MDGA2: variants seen among roughly 807,000 people sequenced by gnomAD.
MDGA2 encodes MAM domain-containing glycosylphosphatidylinositol anchor protein 2.
MDGA2 carries 40 observed loss-of-function variants against 117.8 expected under a neutral mutation model. That is an observed-to-expected ratio of 0.34 (90% CI 0.26 to 0.44). MDGA2 has a LOEUF of 0.44. Ranked by LOEUF, MDGA2 falls within the 20% of genes least tolerant of loss-of-function variation. The pLI is 1.00. For synonymous variants in MDGA2, 452 were observed against 439.0 expected (o/e 1.03, Z -0.37); for missense variants, 1,123 against 1,250.6 (o/e 0.90, Z 1.54).
intron 1 of MDGA2, among the ~76,000 whole-genome samples, chr14:47,350,011 A>T (rs1890844526): frequency 6.6e-6 from 1 of 152,256 alleles, no homozygotes; most frequent in Non-Finnish European, 1.5e-5. Context: ...TTCAGGAAAT[A>T]GGACGGGGAC....
At chr14:46,852,696 A>G (rs1399376846) in intron 15 of MDGA2, among the ~76,000 whole-genome samples, 1 of 151,888 alleles carries the variant, frequency 6.6e-6, no homozygotes, top group East Asian at 1.9e-4. Flanking sequence ...GAAAAACCTC[A>G]TAATACATGG....
intron 2 of MDGA2, among the ~76,000 whole-genome samples, chr14:47,260,990 C>G (rs2139672781): frequency 6.6e-6 from 1 of 151,940 alleles, no homozygotes; most frequent in East Asian, 1.9e-4. Context: ...CATTCTAGCC[C>G]ACTGAGTTAA....
intron 1 of MDGA2, among the ~76,000 whole-genome samples, chr14:47,614,095 C>CTTTT (rs768294746): frequency 9.8e-6 from 1 of 101,706 alleles, no homozygotes; most frequent in African/African-American, 3.8e-5. Flanking sequence ...TTTCTTTTTT[C>CTTTT]TTTTTTTTTT....
Position 47,657,722 on chromosome 14 carries a change from T to A in MDGA2, c.280+16795A>T, listed in dbSNP as rs116713416. Among the ~76,000 whole-genome samples, 1,476 of 152,236 alleles carry A rather than the reference T, an allele frequency of 9.7e-3. 35 individuals carry two copies. The highest frequency in any genetic ancestry group is 0.034 in the African/African-American group (1,403 of 41,550). On this transcript the variant is annotated intron_variant, in intron 1 of 16. Coordinates refer to ENST00000399232, the MANE Select transcript of MDGA2 (RefSeq NM_001113498.3). The stretch of plus-strand genomic sequence containing the variant: ...CCTAACATTGTACTAACCAAAGGGA[T>A]CCACTGAACAGAAAAGAAGGTGCTG...
In MDGA2 at chr14:46,946,704, A is replaced by C. The variant is rs374134203; in HGVS notation, c.2089+10670T>G. 1.2e-3 allele frequency among the ~76,000 whole-genome samples: 176 copies of C among 152,222 alleles called. 1 individual carries two copies. The highest frequency in any genetic ancestry group is 4.1e-3 in the African/African-American group (169 of 41,536). On this transcript the variant is annotated intron_variant, in intron 9 of 16. Coordinates refer to ENST00000399232, the MANE Select transcript of MDGA2 (RefSeq NM_001113498.3). ...ATGACATATATTAAGACTTGTAGAA[A>C]AAGAAAGAGCTAGTCATACCAAGAC...
At chr14:46,991,920 GT>G (rs1199620296) in intron 8 of MDGA2, among the ~76,000 whole-genome samples, 1 of 152,034 alleles carries the variant, frequency 6.6e-6, no homozygotes, top group Admixed American at 6.6e-5. Flanking sequence ...CCATCCAAAG[GT>G]TGAAATACAA....
intron 1 of MDGA2, among the ~76,000 whole-genome samples, chr14:47,628,861 C>T (rs986519189): frequency 1.3e-5 from 2 of 152,210 alleles, no homozygotes; most frequent in Non-Finnish European, 2.9e-5. Flanking sequence ...GAGGACTTTC[C>T]TCCTTGCAGG....
intron 1 of MDGA2, among the ~76,000 whole-genome samples, chr14:47,584,456 A>C (rs1218232082): frequency 6.6e-6 from 1 of 151,882 alleles, no homozygotes; most frequent in Non-Finnish European, 1.5e-5. Flanking sequence ...ACCATAAATA[A>C]GACAGAGCTT....
rs370495431 is a variant in MDGA2 at position 47,561,148 on chromosome 14, T to G, written c.280+113369A>C. On this transcript the variant is annotated intron_variant, in intron 1 of 16. Coordinates refer to ENST00000399232, the MANE Select transcript of MDGA2 (RefSeq NM_001113498.3). ...CATGATACCTCTATCTTTGTTTTTT[T>G]TTTTGTTTTGTTTTGTTTTTTTGTT... Among the ~76,000 whole-genome samples, 251 of 90,184 alleles carry G rather than the reference T, an allele frequency of 2.8e-3. 15 individuals carry two copies. The highest frequency in any genetic ancestry group is 4.8e-3 in the Non-Finnish European group (199 of 41,272). The allele number at this position is 90,184 out of a possible 152,430, so 59.2% of individuals were successfully genotyped here.
Position 46,883,425 on chromosome 14 carries a change from A to G in MDGA2, c.2239-1204T>C, listed in dbSNP as rs575437845. Among the ~76,000 whole-genome samples, 4 of 152,186 alleles carry G rather than the reference A, an allele frequency of 2.6e-5. No individual in the cohort carries two copies. The East Asian group carries it at 7.7e-4, about 29-fold the overall frequency. ...AAAACTATGAACATGCTAGGAATGA[A>G]AGGGAACTTGATTAATCTGATAAAG... is the stretch of plus-strand genomic sequence containing the variant. On this transcript the variant is annotated intron_variant, in intron 10 of 16. Coordinates refer to ENST00000399232, the MANE Select transcript of MDGA2 (RefSeq NM_001113498.3).
intron 1 of MDGA2, among the ~76,000 whole-genome samples, chr14:47,661,902 A>C (rs1566563913): frequency 6.6e-6 from 1 of 151,812 alleles, no homozygotes; most frequent in Non-Finnish European, 1.5e-5. Context: ...CGCCCGGCTA[A>C]TTTTTTGTAT....
At chr14:47,244,509 T>G (rs1428480973) in intron 2 of MDGA2, among the ~76,000 whole-genome samples, 2 of 151,872 alleles carry the variant, frequency 1.3e-5, no homozygotes, top group African/African-American at 2.4e-5. Flanking sequence ...AATTTTCCAT[T>G]GAAAGAATCT....
chr14:47,389,148 A>C (rs1048777190), intron 1 of MDGA2, among the ~76,000 whole-genome samples: 8 of 151,914 alleles, frequency 5.3e-5, no homozygotes, highest in African/African-American at 1.9e-4. Context: ...CTTTTCAAAA[A>C]ATTTTCAAAT....
At chr14:47,374,396 T>C (rs1261731938) in intron 1 of MDGA2, among the ~76,000 whole-genome samples, 2 of 152,152 alleles carry the variant, frequency 1.3e-5, no homozygotes, top group African/African-American at 4.8e-5. Context: ...CACTCTGTTC[T>C]ATATAAGCAA....
chr14:46,867,627 G>T (rs556597671), intron 14 of MDGA2, among the ~76,000 whole-genome samples: 1 of 151,906 alleles, frequency 6.6e-6, no homozygotes, highest in Non-Finnish European at 1.5e-5. Flanking sequence ...TCATCATAAG[G>T]TGACATACCT....
intron 10 of MDGA2, among the ~76,000 whole-genome samples, chr14:46,894,959 G>C (rs1883020456): frequency 6.6e-6 from 1 of 152,130 alleles, no homozygotes; most frequent in Admixed American, 6.5e-5. Context: ...TTTTGTTATA[G>C]ATTTCAATCC....
intron 10 of MDGA2, among the ~76,000 whole-genome samples, chr14:46,892,718 A>G (rs1248198019): frequency 6.6e-6 from 1 of 152,028 alleles, no homozygotes; most frequent in Non-Finnish European, 1.5e-5. Flanking sequence ...ATTTCTTTAA[A>G]GAAGAAGTAA....
chr14:47,295,078 G>C (rs1889018059), intron 2 of MDGA2, among the ~76,000 whole-genome samples: 1 of 152,128 alleles, frequency 6.6e-6, no homozygotes, highest in Non-Finnish European at 1.5e-5. Flanking sequence ...ATGCTTCCTA[G>C]TGTTTTGGAT....
intron 2 of MDGA2, among the ~76,000 whole-genome samples, chr14:47,225,742 G>A (rs902976741): frequency 6.6e-6 from 1 of 151,898 alleles, no homozygotes; most frequent in Non-Finnish European, 1.5e-5. Context: ...CAGCGCACCA[G>A]CATGGCACAT....
Sources: allele counts gnomAD v4.1 joint callset (sites outside exome capture counted in the v4.1 genomes callset), GRCh38; gene constraint gnomAD v4.1.1; transcripts MANE v1.5; gene names NCBI Gene and HGNC (gene_info 2026-07-23, HGNC 2026-07-21).